NMNAT2: variants seen among roughly 807,000 people sequenced by gnomAD.
The protein encoded by NMNAT2 is nicotinamide nucleotide adenylyltransferase 2.
NMNAT2 carries 11 observed loss-of-function variants against 41.6 expected under a neutral mutation model. That is an observed-to-expected ratio of 0.26 (90% CI 0.17 to 0.44). NMNAT2 has a LOEUF of 0.44. Ranked by LOEUF, NMNAT2 falls within the 20% of genes least tolerant of loss-of-function variation. NMNAT2 has a pLI of 1.00. For synonymous variants in NMNAT2, 148 were observed against 151.2 expected (o/e 0.98, Z 0.16); for missense variants, 288 against 407.7 (o/e 0.71, Z 2.53).
chr1:183,289,501 G>T (rs1469728324), intron 4 of NMNAT2, among the ~76,000 whole-genome samples: 2 of 152,244 alleles, frequency 1.3e-5, no homozygotes, highest in African/African-American at 4.8e-5. Context: ...TCGCCTATCT[G>T]TGTTCACCAA....
rs1192799155 is a variant in NMNAT2 at position 183,389,842 on chromosome 1, AAGGAAAAAAG to A, written c.85+28331_85+28340del. 1.1e-4 allele frequency among the ~76,000 whole-genome samples: 7 copies of A among 64,306 alleles called. 1 individual carries two copies. Among genetic ancestry groups the A allele is most frequent in the Non-Finnish European group, 1.8e-4 (5 of 28,512 alleles). 42.2% of individuals were successfully genotyped at this position (64,306 alleles called of 152,430 possible). A position where few individuals can be genotyped will look rare whatever the true frequency, so the allele number is the denominator to read the frequency against. The stretch of plus-strand genomic sequence containing the variant: ...AAAGAAAGAAAGAAAGAAAGAAAGA[AAGGAAAAAAG>A]AGAAAGAAAGAAAGAAAGAAGGGAG... On this transcript the variant is annotated intron_variant, in intron 1 of 10. Coordinates refer to ENST00000287713, the MANE Select transcript of NMNAT2 (RefSeq NM_015039.4).
chr1:183,392,984 A>G (rs1434470786), intron 1 of NMNAT2, among the ~76,000 whole-genome samples: 4 of 152,134 alleles, frequency 2.6e-5, no homozygotes, highest in African/African-American at 9.7e-5. Flanking sequence ...TCTAGACTGT[A>G]AACACATAAG....
rs376738113 is a variant in NMNAT2, at chr1:183,408,807, T to G, written c.85+9376A>C. On this transcript the variant is annotated intron_variant, in intron 1 of 10. Coordinates refer to ENST00000287713, the MANE Select transcript of NMNAT2 (RefSeq NM_015039.4). ...CATGGAAAATGAAGCAATTATGGCT[T>G]GAATTTATATGTACAATATTTATTG... is the stretch of plus-strand genomic sequence containing the variant. Among the ~76,000 whole-genome samples, 15 of 152,152 alleles carry G rather than the reference T, an allele frequency of 9.9e-5. 1 individual carries two copies. In the South Asian group the frequency reaches 3.1e-3, roughly 31 times the overall value.
At chr1:183,284,135 T>TTG in intron 6 of NMNAT2, 96 bp from the exon 7 acceptor site, 14 of 725,802 alleles carry the variant, frequency 1.9e-5, no homozygotes, top group Non-Finnish European at 2.9e-5. Flanking sequence ...ATTATTGGGA[T>TTG]GGGGTGGGGT....
chr1:183,358,929 C>T (rs1483644534), intron 1 of NMNAT2, among the ~76,000 whole-genome samples: 1 of 152,172 alleles, frequency 6.6e-6, no homozygotes, highest in African/African-American at 2.4e-5. Flanking sequence ...TTGCAGCATC[C>T]TGATGATACA....
chr1:183,266,321 A>G (rs1207167597), intron 8 of NMNAT2, among the ~76,000 whole-genome samples: 1 of 152,156 alleles, frequency 6.6e-6, no homozygotes, highest in African/African-American at 2.4e-5. Context: ...GTTAAAATAT[A>G]AGCCAAATTA....
chr1:183,286,822 T>A, intron 4 of NMNAT2, 34 bp from the exon 5 acceptor site: 1 of 1,593,164 alleles, frequency 6.3e-7, no homozygotes, highest in Non-Finnish European at 8.6e-7. Flanking sequence ...ATTAGTCATG[T>A]GACTTTGAGA....
chr1:183,297,405 G>T (rs1476606236), intron 1 of NMNAT2, among the ~76,000 whole-genome samples: 1 of 148,718 alleles, frequency 6.7e-6, no homozygotes, highest in Non-Finnish European at 1.5e-5. Flanking sequence ...TTTTTGAGAC[G>T]GAGTTTCGCT....
At chr1:183,296,557 G>A (rs573914556) in intron 1 of NMNAT2, among the ~76,000 whole-genome samples, 2 of 151,106 alleles carry the variant, frequency 1.3e-5, no homozygotes, top group East Asian at 3.9e-4. Flanking sequence ...CTGTTGCCCA[G>A]GCTGGAGTAC....
chr1:183,408,340 A>G (rs1035749689), intron 1 of NMNAT2, among the ~76,000 whole-genome samples: 1 of 152,268 alleles, frequency 6.6e-6, no homozygotes, highest in Non-Finnish European at 1.5e-5. Flanking sequence ...GCTATGTGCC[A>G]ATAAAACTTT....
rs201541151 is a variant in NMNAT2, at chr1:183,290,217, C to T, written c.243-11G>A. 45 of 1,563,678 alleles carry T rather than the reference C, an allele frequency of 2.9e-5. No individual in the cohort carries two copies. Among genetic ancestry groups the T allele is most frequent in the African/African-American group, 2.3e-4 (17 of 73,898 alleles). On this transcript the variant is annotated splice_polypyrimidine_tract_variant and intron_variant, in intron 3 of 10. Coordinates refer to ENST00000287713, the MANE Select transcript of NMNAT2 (RefSeq NM_015039.4). ...TCCCAAGGGTCCACCCTAACATCAT[C>T]GGAAAGAAGTTTCCCTTGGTTTCTG...
chr1:183,323,238 C>G (rs1662389730), intron 1 of NMNAT2, among the ~76,000 whole-genome samples: 1 of 152,166 alleles, frequency 6.6e-6, no homozygotes, highest in Non-Finnish European at 1.5e-5. Flanking sequence ...GGCCACAAAA[C>G]TAGATTCTTC....
chr1:183,349,594 G>A (rs1237238658), intron 1 of NMNAT2, among the ~76,000 whole-genome samples: 2 of 152,256 alleles, frequency 1.3e-5, no homozygotes, highest in Non-Finnish European at 1.5e-5. Flanking sequence ...CTGCGTCTTT[G>A]CATGTTTGTG....
chr1:183,395,772 G>A lies in NMNAT2; in HGVS notation c.85+22411C>T, dbSNP rs1027831642. Among the ~76,000 whole-genome samples the A allele has an allele frequency of 2.6e-5, 4 of 152,166 alleles. No individual in the cohort carries two copies. In the South Asian group the frequency reaches 6.2e-4, roughly 24 times the overall value. On this transcript the variant is annotated intron_variant, in intron 1 of 10. Transcript: ENST00000287713. ...TTTACAGTGTATTGGGAGAGGGGAG[G>A]TTATTGAATAATAATCTGTAGGCAT... is the stretch of plus-strand genomic sequence containing the variant.
At chr1:183,273,244 G>A (rs1242238678) in intron 8 of NMNAT2, among the ~76,000 whole-genome samples, 1 of 152,194 alleles carries the variant, frequency 6.6e-6, no homozygotes, top group Non-Finnish European at 1.5e-5. Flanking sequence ...ATGGGATGCC[G>A]CCTGATTCGT....
At chr1:183,413,658 G>T (rs1209502679) in intron 1 of NMNAT2, among the ~76,000 whole-genome samples, 1 of 128,016 alleles carries the variant, frequency 7.8e-6, no homozygotes, top group Admixed American at 9.5e-5. Flanking sequence ...CCAAGCTGGA[G>T]TGCAGTGGCG....
intron 1 of NMNAT2, among the ~76,000 whole-genome samples, chr1:183,399,124 C>T (rs1285182600): frequency 6.6e-6 from 1 of 152,008 alleles, no homozygotes; most frequent in Non-Finnish European, 1.5e-5. Flanking sequence ...AATCCAGGAG[C>T]TGGTTTTTTG....
At chr1:183,406,327 G>A (rs968824482) in intron 1 of NMNAT2, among the ~76,000 whole-genome samples, 7 of 152,186 alleles carry the variant, frequency 4.6e-5, no homozygotes, top group African/African-American at 1.2e-4. Flanking sequence ...CTGGGACAGA[G>A]TAGCTGTCTC....
chr1:183,389,868 A>AGGG (rs1648415846), intron 1 of NMNAT2, among the ~76,000 whole-genome samples: 1 of 79,536 alleles, frequency 1.3e-5, no homozygotes, highest in African/African-American at 4.0e-5. Context: ...GAAAGAAAGA[A>AGGG]AGAAGGGAGG....
Sources: gnomAD v4.1 joint callset for allele counts (sites outside exome capture counted in the v4.1 genomes callset) on GRCh38, gnomAD v4.1.1 for gene constraint, MANE v1.5 for transcripts, NCBI Gene and HGNC (gene_info 2026-07-23, HGNC 2026-07-21) for gene names.